Variants in LRRC53 observed in about 807,000 individuals in gnomAD.
The protein encoded by LRRC53 is leucine-rich repeat-containing protein 53.
In LRRC53, 25 loss-of-function variants were observed where a neutral mutation model predicts 13.6. The ratio of observed to expected loss-of-function variants is 1.83; its 90% CI spans 1.34 to 2.56. LRRC53 has a LOEUF of 2.56. Ranked by LOEUF, LRRC53 falls within the 30% of genes most tolerant of loss-of-function variation. LRRC53 has a pLI of 0.00. For missense variants in LRRC53, 527 were observed against 275.8 expected (o/e 1.91, Z -6.45); for synonymous variants, 204 against 109.8 (o/e 1.86, Z -5.37).
chr1:74,499,418 A>G (rs1431477670), intron 1 of LRRC53, among the ~76,000 whole-genome samples: 1 of 152,214 alleles, frequency 6.6e-6, no homozygotes, highest in Non-Finnish European at 1.5e-5. Context: ...AATATGAGCC[A>G]CTGCACCAGG....
At position 74,469,943 on chromosome 1, in the gene LRRC53, G is replaced by C. The variant is rs1325629647; in HGVS notation, c.3679C>G (p.Pro1227Ala). Residue 1227 changes from proline to alanine, a missense_variant, in exon 5 of 5, where the codon CCA (proline) becomes GCA (alanine). Transcript: ENST00000294635. ...GATGGTGGATACAGTACAGGTTTTG[G>C]AGCAGAGTTTTCAGCTTCATTTATT... ...SRINEAENSAPKPVLYPPSAE... is the reference protein window; with the variant it reads ...SRINEAENSAAKPVLYPPSAE... 2.5e-6 allele frequency: 1 copy of C among 400,512 alleles called. No homozygotes were observed. The highest frequency in any genetic ancestry group is 4.4e-6 in the Non-Finnish European group (1 of 226,146). The allele number at this position is 400,512 out of a possible 1,614,324, so 24.8% of individuals were successfully genotyped here.
At chr1:74,517,443 T>G (rs1364752659), upstream of LRRC53, among the ~76,000 whole-genome samples, 2 of 152,244 alleles carry the variant, frequency 1.3e-5, no homozygotes, top group Non-Finnish European at 2.9e-5. Flanking sequence ...CAAGGTACTG[T>G]GCTGGTGGTA....
chr1:74,497,943 T>G (rs1669417084), intron 1 of LRRC53, among the ~76,000 whole-genome samples: 1 of 152,198 alleles, frequency 6.6e-6, no homozygotes, highest in Non-Finnish European at 1.5e-5. Context: ...GCTCTCTCTC[T>G]TCTCAGATGC....
chr1:74,497,079 T>C (rs1307444316), intron 1 of LRRC53, among the ~76,000 whole-genome samples: 1 of 152,188 alleles, frequency 6.6e-6, no homozygotes, highest in Non-Finnish European at 1.5e-5. Flanking sequence ...TTAAATAGCT[T>C]GCCTAGTGCA....
chr1:74,525,623 G>A, the LRRC53 span, among the ~76,000 whole-genome samples: 50 of 152,216 alleles, frequency 3.3e-4, no homozygotes, highest in Non-Finnish European at 6.6e-4. Context: ...AACAAAGCAT[G>A]GCTCCTAGTC....
At chr1:74,521,650 TCA>T in the LRRC53 span, among the ~76,000 whole-genome samples, 1 of 151,994 alleles carries the variant, frequency 6.6e-6, no homozygotes, top group Non-Finnish European at 1.5e-5. Context: ...AGCATGGAGG[TCA>T]CAGTGATCAG....
At chr1:74,489,184 T>G (rs755031184) in intron 1 of LRRC53, 1 of 1,610,056 alleles carries the variant, frequency 6.2e-7, no homozygotes, top group Admixed American at 1.7e-5. Flanking sequence ...TTTTTCTATT[T>G]ACAGGGAAGA....
At chr1:74,497,481 A>G (rs891392591) in intron 1 of LRRC53, among the ~76,000 whole-genome samples, 2 of 152,016 alleles carry the variant, frequency 1.3e-5, no homozygotes, top group Non-Finnish European at 1.5e-5. Context: ...ACCACTGTAA[A>G]TGTTCTCAAA....
At position 74,470,802 on chromosome 1, in the gene LRRC53, G is replaced by A. The variant is rs750726705; in HGVS notation, c.2820C>T (p.Tyr940=). The part of the protein sequence containing the change: ...QLLDAHKTDS[Y]NKEYTLDQNE... Reference sequence around the variant, plus strand: ...TTTGGTCTAAAGTGTATTCCTTGTTGTAGCTGTCAGTCTTGTGAGCATCTA... The same window carrying A: ...TTTGGTCTAAAGTGTATTCCTTGTTATAGCTGTCAGTCTTGTGAGCATCTA... Residue 940 remains tyrosine (Y), a synonymous_variant, in exon 5 of 5, where the codon TAC becomes TAT. Coordinates refer to ENST00000294635, the MANE Select transcript of LRRC53 (RefSeq NM_001382280.1). The A allele has an allele frequency of 4.2e-5, 17 of 400,500 alleles. No individual in the cohort carries two copies. The highest frequency in any genetic ancestry group is 7.1e-5 in the Non-Finnish European group (16 of 226,166). 24.8% of individuals were successfully genotyped at this position (400,500 alleles called of 1,614,324 possible). A position where few individuals can be genotyped will look rare whatever the true frequency, so the allele number is the denominator to read the frequency against.
the LRRC53 span, among the ~76,000 whole-genome samples, chr1:74,518,970 G>A: frequency 9.2e-6 from 1 of 108,596 alleles, no homozygotes; most frequent in Non-Finnish European, 1.7e-5. Flanking sequence ...CCATGCTGGT[G>A]CGCTGCACCC....
the LRRC53 span, among the ~76,000 whole-genome samples, chr1:74,527,977 C>G: frequency 6.6e-6 from 1 of 152,014 alleles, no homozygotes; most frequent in Non-Finnish European, 1.5e-5. Context: ...TGGGGCTGCC[C>G]GGCCAAGGTG....
the LRRC53 span, among the ~76,000 whole-genome samples, chr1:74,532,202 T>A: frequency 6.6e-6 from 1 of 152,202 alleles, no homozygotes; most frequent in Non-Finnish European, 1.5e-5. Context: ...GTGTATCTCA[T>A]GTTTTAGCAT....
At chr1:74,513,438 G>T (rs1401534305), upstream of LRRC53, among the ~76,000 whole-genome samples, 2 of 152,204 alleles carry the variant, frequency 1.3e-5, no homozygotes, top group African/African-American at 2.4e-5. Flanking sequence ...GAAAAGGTTT[G>T]TGCAGAAGGC....
At chr1:74,495,124 C>T (rs1409305715) in intron 1 of LRRC53, among the ~76,000 whole-genome samples, 3 of 152,132 alleles carry the variant, frequency 2.0e-5, no homozygotes, top group Non-Finnish European at 4.4e-5. Flanking sequence ...AGCCTTCTGG[C>T]CCTTCCTGAC....
At chr1:74,518,990 T>C in the LRRC53 span, among the ~76,000 whole-genome samples, 49 of 115,736 alleles carry the variant, frequency 4.2e-4, 6 homozygotes, top group African/African-American at 1.9e-3. Context: ...CACTAATGTG[T>C]CATCTAGCAT....
At chr1:74,533,951 T>C in the LRRC53 span, among the ~76,000 whole-genome samples, 7 of 152,304 alleles carry the variant, frequency 4.6e-5, no homozygotes, top group South Asian at 1.2e-3. Flanking sequence ...CAAGTTCAGT[T>C]TCTGCCTCTG....
intron 1 of LRRC53, among the ~76,000 whole-genome samples, chr1:74,489,715 T>A (rs1668954282): frequency 6.6e-6 from 1 of 152,196 alleles, no homozygotes; most frequent in Admixed American, 6.5e-5. Flanking sequence ...TAATGTGATA[T>A]ATGTTGGTAA....
the LRRC53 span, among the ~76,000 whole-genome samples, chr1:74,536,536 T>C: frequency 6.6e-6 from 1 of 152,188 alleles, no homozygotes; most frequent in Admixed American, 6.6e-5. Context: ...TTTATATTTA[T>C]GTATACATCA....
chr1:74,483,431 A>G lies in LRRC53; in HGVS notation c.-26-56T>C, dbSNP rs1668600356. On this transcript the variant is annotated intron_variant, in intron 1 of 4. Coordinates refer to ENST00000294635, the MANE Select transcript of LRRC53 (RefSeq NM_001382280.1). ...ATAATGTTGGCATTCACTGTCCATT[A>G]TTTCTGTACATACAGGTCATGAGGC... 5.7e-6 allele frequency: 4 copies of G among 696,498 alleles called. No individual in the cohort carries two copies. In the Middle Eastern group the frequency reaches 7.0e-4, roughly 122 times the overall value. The allele number at this position is 696,498 out of a possible 1,614,324, so 43.1% of individuals were successfully genotyped here. A position where few individuals can be genotyped will look rare whatever the true frequency, so the allele number is the denominator to read the frequency against.
Sources: gnomAD v4.1 joint callset for allele counts (sites outside exome capture counted in the v4.1 genomes callset) on GRCh38, gnomAD v4.1.1 for gene constraint, MANE v1.5 for transcripts, NCBI Gene and HGNC (gene_info 2026-07-23, HGNC 2026-07-21) for gene names.